MYB: variants seen among roughly 807,000 people sequenced by gnomAD.
The protein encoded by MYB is transcriptional activator Myb.
MYB carries 28 observed loss-of-function variants against 92.9 expected under a neutral mutation model. That is an observed-to-expected ratio of 0.30 (90% CI 0.22 to 0.41). The LOEUF is 0.41. Ranked by LOEUF, MYB falls within the 10% of genes least tolerant of loss-of-function variation. The pLI is 1.00. For synonymous variants in MYB, 295 were observed against 329.1 expected (o/e 0.90, Z 1.12); for missense variants, 679 against 929.3 (o/e 0.73, Z 3.50).
intron 15 of MYB, among the ~76,000 whole-genome samples, chr6:135,207,111 C>A (rs1223966748): frequency 6.6e-6 from 1 of 152,136 alleles, no homozygotes; most frequent in African/African-American, 2.4e-5. Context: ...ATATTTCTCA[C>A]ACATGGTATT....
In MYB at chr6:135,181,630, A is replaced by G. The variant is rs907247224; in HGVS notation, c.23+94A>G. ...GGAGCAGGTGGGAATTCGTTCCGGGATCATCTGAGGGGCTGTCAGACCCTC... is the reference window on the plus strand; with the variant it reads ...GGAGCAGGTGGGAATTCGTTCCGGGGTCATCTGAGGGGCTGTCAGACCCTC... On this transcript the variant is annotated intron_variant, in intron 1 of 15. Coordinates refer to ENST00000341911, the MANE Select transcript of MYB (RefSeq NM_001130173.2). This position sits in a 1 kb window ranked among gnomAD's most constrained non-coding sequence, Gnocchi z 5.3. The G allele has an allele frequency of 1.0e-4, 95 of 936,574 alleles. 1 individual carries two copies. The highest frequency in any genetic ancestry group is 2.4e-4 in the African/African-American group (14 of 57,214). The allele number at this position is 936,574 out of a possible 1,614,324, so 58.0% of individuals were successfully genotyped here.
At chr6:135,206,430 G>T (rs1254819695) in intron 15 of MYB, among the ~76,000 whole-genome samples, 1 of 151,852 alleles carries the variant, frequency 6.6e-6, no homozygotes, top group Non-Finnish European at 1.5e-5. Flanking sequence ...AGCCGTGGTG[G>T]CTCACACCTG....
chr6:135,198,952 G>A lies in MYB; in HGVS notation c.1611G>A (p.Met537Ile), dbSNP rs200639167. ...SSNHENSDLE[M>I]PSLTSTPLIG... ...ACCATGAAAACTCAGACTTGGAAAT[G>A]CCTTCTTTAACTTCCACCCCCCTCA... Residue 537 changes from methionine (M) to isoleucine (I), a missense_variant, in exon 11 of 16, where the codon ATG becomes ATA. Met to Ile is a conservative substitution (Grantham distance 10). This residue lies in a region of MYB where 402 missense variants were observed against 434.2 expected (regional missense o/e 0.93). Transcript: ENST00000341911. The A allele has an allele frequency of 9.9e-5, 160 of 1,611,218 alleles. No individual in the cohort carries two copies. The East Asian group carries it at 3.5e-3, about 36-fold the overall frequency.
intron 15 of MYB, among the ~76,000 whole-genome samples, chr6:135,206,827 T>C (rs1250279665): frequency 6.6e-6 from 1 of 152,174 alleles, no homozygotes; most frequent in African/African-American, 2.4e-5. Context: ...ATGAATGTTA[T>C]ACACCAAGTA....
intron 15 of MYB, among the ~76,000 whole-genome samples, chr6:135,214,349 T>C (rs1354739798): frequency 6.6e-6 from 1 of 152,036 alleles, no homozygotes. Context: ...AAAATTCTAA[T>C]AGGCCATTTT....
intron 15 of MYB, among the ~76,000 whole-genome samples, chr6:135,210,581 T>C (rs1779574557): frequency 6.6e-6 from 1 of 152,260 alleles, no homozygotes; most frequent in Non-Finnish European, 1.5e-5. Context: ...AGGCAAGCCC[T>C]TTTTGCCTGA....
chr6:135,197,723 A>T (rs545571529), intron 10 of MYB, among the ~76,000 whole-genome samples: 2 of 152,320 alleles, frequency 1.3e-5, no homozygotes, highest in South Asian at 4.1e-4. Context: ...GGGAGGAGGG[A>T]ACCAAATTGT....
chr6:135,183,240 G>A (rs940659387), intron 1 of MYB, among the ~76,000 whole-genome samples: 2 of 152,038 alleles, frequency 1.3e-5, no homozygotes, highest in African/African-American at 4.8e-5. Context: ...CTGCGGGCTC[G>A]GAGCCGTTTC....
chr6:135,191,538 TGA>T (rs1431938518), intron 5 of MYB, among the ~76,000 whole-genome samples: 2 of 152,228 alleles, frequency 1.3e-5, no homozygotes, highest in Non-Finnish European at 2.9e-5. Context: ...CCATATGGCC[TGA>T]GAGGATACAC....
chr6:135,186,139 C>G (rs1468947811), intron 2 of MYB, 119 bp downstream of exon 2: 1 of 773,864 alleles, frequency 1.3e-6, no homozygotes, highest in Non-Finnish European at 2.1e-6. Flanking sequence ...AGATCTTATC[C>G]TAGCCCGCAT....
At chr6:135,215,978 C>T (rs981504046) in intron 15 of MYB, among the ~76,000 whole-genome samples, 2 of 152,114 alleles carry the variant, frequency 1.3e-5, no homozygotes, top group Non-Finnish European at 2.9e-5. Flanking sequence ...GAAAATAATC[C>T]CTCCAGATAG....
At chr6:135,192,004 T>C (rs1235138483) in intron 5 of MYB, among the ~76,000 whole-genome samples, 1 of 152,146 alleles carries the variant, frequency 6.6e-6, no homozygotes, top group Non-Finnish European at 1.5e-5. Flanking sequence ...TGTGTTGGAG[T>C]CTTGTACCGC....
intron 3 of MYB, among the ~76,000 whole-genome samples, chr6:135,188,500 T>G (rs534359956): frequency 4.9e-4 from 74 of 151,532 alleles, no homozygotes; most frequent in African/African-American, 1.6e-3. Context: ...TTCTTTTTTT[T>G]TTTTTTGTTT....
Position 135,197,015 on chromosome 6 carries a change from T to A in MYB, c.1258T>A (p.Phe420Ile). Reference sequence around the variant, plus strand: ...TTTTGAATTCTTTGAAGAAGCAGATTTTTCACCTAGCCAACATCACACAGG... The same window carrying A: ...TTTTGAATTCTTTGAAGAAGCAGATATTTCACCTAGCCAACATCACACAGG... Reference protein sequence around the residue: ...SSFEFFEEADFSPSQHHTGKA... With the variant: ...SSFEFFEEADISPSQHHTGKA... Residue 420 changes from phenylalanine (F) to isoleucine (I), a missense_variant, in exon 10 of 16, where the codon TTT (phenylalanine) becomes ATT (isoleucine). This residue lies in a region of MYB where 402 missense variants were observed against 434.2 expected (regional missense o/e 0.93). Transcript: ENST00000341911. 6.2e-7 allele frequency: 1 copy of A among 1,613,912 alleles called. No homozygotes were observed. The highest frequency in any genetic ancestry group is 1.3e-5 in the African/African-American group (1 of 75,034).
chr6:135,217,016 C>A (rs1375068613), intron 15 of MYB, among the ~76,000 whole-genome samples: 1 of 152,242 alleles, frequency 6.6e-6, no homozygotes, highest in Non-Finnish European at 1.5e-5. Context: ...TGAAGTGCCA[C>A]TGTCCCTGGC....
At chr6:135,188,627 A>G (rs1430578547) in intron 3 of MYB, among the ~76,000 whole-genome samples, 1 of 151,322 alleles carries the variant, frequency 6.6e-6, no homozygotes, top group Non-Finnish European at 1.5e-5. Flanking sequence ...CTCGTGCCTC[A>G]GCCCCCTTAG....
intron 15 of MYB, among the ~76,000 whole-genome samples, chr6:135,215,856 C>T (rs1338136296): frequency 6.6e-6 from 1 of 152,154 alleles, no homozygotes; most frequent in Non-Finnish European, 1.5e-5. Flanking sequence ...CACCACAAAC[C>T]TGCGCACACG....
At chr6:135,201,602 T>C in intron 13 of MYB, 37 bp from the exon 14 acceptor site, 1 of 1,412,908 alleles carries the variant, frequency 7.1e-7, no homozygotes, top group Non-Finnish European at 1.0e-6. Flanking sequence ...TCATAGGAAG[T>C]TCTAGAAACA....
chr6:135,194,311 T>A, intron 7 of MYB, 45 bp from the exon 8 acceptor site: 1 of 1,436,422 alleles, frequency 7.0e-7, no homozygotes, highest in Non-Finnish European at 9.7e-7. Flanking sequence ...ATTTGCAGCT[T>A]CCAATCAGAC....
Sources: allele counts gnomAD v4.1 joint callset (sites outside exome capture counted in the v4.1 genomes callset), GRCh38; gene constraint gnomAD v4.1.1; regional missense constraint gnomAD v4.1.1; non-coding constraint Gnocchi (gnomAD v3.1); transcripts MANE v1.5; gene names NCBI Gene and HGNC (gene_info 2026-07-23, HGNC 2026-07-21).